The following LRIT2 variants were observed in gnomAD, a reference collection of about 807,000 sequenced individuals.
LRIT2 encodes the protein leucine-rich repeat, immunoglobulin-like domain and transmembrane domain-containing protein 2.
LRIT2 carries 23 observed loss-of-function variants against 22.4 expected under a neutral mutation model. That is an observed-to-expected ratio of 1.03 (90% CI 0.74 to 1.45). The LOEUF is 1.45. LRIT2 is among the 40% of genes most tolerant of loss of function. LRIT2 has a pLI of 0.00. For missense variants in LRIT2, 784 were observed against 665.6 expected, an observed-to-expected ratio of 1.18 and a Z score of -1.96; for synonymous variants, 291 against 267.1, an observed-to-expected ratio of 1.09 and a Z score of -0.87.
Position 84,224,844 on chromosome 10 carries a change from A to AG in LRIT2, c.380dup (p.Leu128SerfsTer13), listed in dbSNP as rs779843468. ...GTTTGAGATCCAAGACCCTCAGGAG[A>AG]GGGGTGGCACGGAACGCTGTCCATG... On this transcript the variant is annotated frameshift_variant, in exon 2 of 3. Coordinates refer to ENST00000372113, the MANE Select transcript of LRIT2 (RefSeq NM_001017924.5). LOFTEE classifies it high-confidence loss of function. 2.8e-4 allele frequency: 453 copies of AG among 1,613,860 alleles called. No homozygotes were observed. The highest frequency in any genetic ancestry group is 6.6e-4 in the Middle Eastern group (4 of 6,084).
Position 84,224,823 on chromosome 10 carries a change from G to T in LRIT2, c.402C>A (p.Leu134=). 2 of 1,614,118 alleles carry T rather than the reference G, an allele frequency of 1.2e-6. No homozygotes were observed. Among genetic ancestry groups the T allele is most frequent in the Non-Finnish European group, 1.7e-6 (2 of 1,180,024 alleles). Residue 134 remains leucine, a synonymous_variant, in exon 2 of 3, where the codon CTC becomes CTA. Transcript: ENST00000372113. The part of the protein sequence containing the change: ...RATPLLRVLD[L]KRNKIDALPE... ...GGAGTGCATCAATCTTGTTGCGTTTGAGATCCAAGACCCTCAGGAGAGGGG... is the reference window on the plus strand; with the variant it reads ...GGAGTGCATCAATCTTGTTGCGTTTTAGATCCAAGACCCTCAGGAGAGGGG...
chr10:84,222,281 G>T lies in LRIT2; in HGVS notation c.1292C>A (p.Ala431Asp), dbSNP rs145232104. The change falls in exon 3 of 3, where the codon GCC becomes GAC. Residue 431 changes from alanine (A) to aspartate (D), a missense_variant. Ala to Asp is a moderately radical substitution (Grantham distance 126). Transcript: ENST00000372113. Reference sequence around the variant, plus strand: ...AGGCTGGCCCTCTAGGCTGAGGCAGGCCTCATATTTTGTGCCAGGAAGGAG... The same window carrying T: ...AGGCTGGCCCTCTAGGCTGAGGCAGTCCTCATATTTTGTGCCAGGAAGGAG... ...DDLLPGTKYE[A>D]CLSLEGQPPH... 3 of 1,614,236 alleles carry T rather than the reference G, an allele frequency of 1.9e-6. No homozygotes were observed. Among genetic ancestry groups the T allele is most frequent in the South Asian group, 2.2e-5 (2 of 91,086 alleles).
chr10:84,221,844 A>G lies in LRIT2; in HGVS notation c.*76T>C. ...TGCTCAATATATACTTGCTGGATAA[A>G]TGGATGGAGCTGCTGCAGAGGGTTG... On this transcript the variant is annotated 3_prime_UTR_variant, in exon 3 of 3. Coordinates refer to ENST00000372113, the MANE Select transcript of LRIT2 (RefSeq NM_001017924.5). 1 of 1,412,026 alleles carries G rather than the reference A, an allele frequency of 7.1e-7. No homozygotes were observed. Among genetic ancestry groups the G allele is most frequent in the Non-Finnish European group, 9.5e-7 (1 of 1,048,756 alleles). The allele number at this position is 1,412,026 out of a possible 1,614,324, so 87.5% of individuals were successfully genotyped here. A position where few individuals can be genotyped will look rare whatever the true frequency, so the allele number is the denominator to read the frequency against.
chr10:84,223,901 T>C (rs1189735289), intron 2 of LRIT2, among the ~76,000 whole-genome samples: 1 of 152,240 alleles, frequency 6.6e-6, no homozygotes, highest in Non-Finnish European at 1.5e-5. Flanking sequence ...GCACCCCAGG[T>C]GATTCTGCTC....
Position 84,224,920 on chromosome 10 carries a change from A to T in LRIT2, c.305T>A (p.Leu102Gln), listed in dbSNP as rs1360599547. The T allele has an allele frequency of 1.2e-6, 2 of 1,614,080 alleles. No homozygotes were observed. The highest frequency in any genetic ancestry group is 1.7e-5 in the Admixed American group (1 of 60,000). The change falls in exon 2 of 3, where the codon CTG (leucine) becomes CAG (glutamine). Residue 102 changes from leucine (L) to glutamine (Q), a missense_variant. Coordinates refer to ENST00000372113, the MANE Select transcript of LRIT2 (RefSeq NM_001017924.5). ...SVIHLGALEH[L>Q]PELRELRLEG... ...CAGTCTCAGCTCCCTCAGTTCTGGC[A>T]GGTGTTCCAGGGCTCCTAGGTGGAT...
rs369756060 is a variant in LRIT2, at chr10:84,225,541, G to T, written c.-21C>A. The stretch of plus-strand genomic sequence containing the variant: ...GCCATATTTCTCTGTAAGAAAATAC[G>T]TTGTGAGTTTTGAATAAGTATCGCC... On this transcript the variant is annotated 5_prime_UTR_variant, in exon 1 of 3. Coordinates refer to ENST00000372113, the MANE Select transcript of LRIT2 (RefSeq NM_001017924.5). 8 of 1,610,506 alleles carry T rather than the reference G, an allele frequency of 5.0e-6. No homozygotes were observed. The African/African-American group carries it at 6.7e-5, about 13-fold the overall frequency.
chr10:84,224,298 C>T (rs1286937042), intron 2 of LRIT2, 35 bp downstream of exon 2: 1 of 1,577,830 alleles, frequency 6.3e-7, no homozygotes, highest in African/African-American at 1.3e-5. Context: ...CTCTCCATTC[C>T]CTCCAGATAC....
rs1589315409 is a variant in LRIT2, at chr10:84,221,867, T to G, written c.*53A>C. 6.7e-7 allele frequency: 1 copy of G among 1,488,114 alleles called. No individual in the cohort carries two copies. Among genetic ancestry groups the G allele is most frequent in the Non-Finnish European group, 9.0e-7 (1 of 1,112,578 alleles). The allele number at this position is 1,488,114 out of a possible 1,614,324, so 92.2% of individuals were successfully genotyped here. A position where few individuals can be genotyped will look rare whatever the true frequency, so the allele number is the denominator to read the frequency against. Reference sequence around the variant, plus strand: ...AAATGGATGGAGCTGCTGCAGAGGGTTGGTTTCAGAGGCTTGAAGCCCAAG... The same window carrying G: ...AAATGGATGGAGCTGCTGCAGAGGGGTGGTTTCAGAGGCTTGAAGCCCAAG... On this transcript the variant is annotated 3_prime_UTR_variant, in exon 3 of 3. Coordinates refer to ENST00000372113, the MANE Select transcript of LRIT2 (RefSeq NM_001017924.5).
In LRIT2 at chr10:84,225,068, G is replaced by A. The variant is rs750711099; in HGVS notation, c.157C>T (p.Leu53Phe). Residue 53 changes from leucine to phenylalanine, a missense_variant, in exon 2 of 3, where the codon CTT (leucine) becomes TTT (phenylalanine). Leu to Phe is a conservative substitution (Grantham distance 22). Coordinates refer to ENST00000372113, the MANE Select transcript of LRIT2 (RefSeq NM_001017924.5). Reference sequence around the variant, plus strand: ...CTCACTTGCTTGAACTCTTCAGAAAGGTTCCCAGGGATCTTTCCCAAGGAG... The same window carrying A: ...CTCACTTGCTTGAACTCTTCAGAAAAGTTCCCAGGGATCTTTCCCAAGGAG... The part of the protein sequence containing the change: ...SVSLGKIPGN[L>F]SEEFKQVRIE... 8.1e-6 allele frequency: 13 copies of A among 1,613,888 alleles called. No individual in the cohort carries two copies. In the Admixed American group the frequency reaches 1.2e-4, roughly 14 times the overall value.
In LRIT2 at chr10:84,222,574, A is replaced by G. The variant is rs762733087; in HGVS notation, c.999T>C (p.Ile333=). ...GNYTCMASNS[I]GKSNLVISLH... ...GAGAGATTACAAGGTTGCTCTTGCC[A>G]ATGGAGTTGGAGGCCATGCAGGTGT... Residue 333 remains isoleucine (I), a synonymous_variant, in exon 3 of 3, where the codon ATT becomes ATC. Coordinates refer to ENST00000372113, the MANE Select transcript of LRIT2 (RefSeq NM_001017924.5). 5.0e-6 allele frequency: 8 copies of G among 1,614,040 alleles called. No homozygotes were observed. Among genetic ancestry groups the G allele is most frequent in the Non-Finnish European group, 6.8e-6 (8 of 1,180,000 alleles).
chr10:84,224,399 C>T lies in LRIT2; in HGVS notation c.826G>A (p.Ala276Thr). ...AGQNVTLRCLAQASPSPSIAW... is the reference protein window; with the variant it reads ...AGQNVTLRCLTQASPSPSIAW... ...ATGGATGGTGAGGGGCTGGCCTGTG[C>T]CAAGCATCGCAGGGTCACATTCTGT... Residue 276 changes from alanine (A) to threonine (T), a missense_variant, in exon 2 of 3, where the codon GCA becomes ACA. Physicochemically the swap from Ala to Thr is moderately conservative, Grantham distance 58. Transcript: ENST00000372113. 2.5e-6 allele frequency: 4 copies of T among 1,614,204 alleles called. No homozygotes were observed. Among genetic ancestry groups the T allele is most frequent in the Non-Finnish European group, 3.4e-6 (4 of 1,180,042 alleles).
intron 2 of LRIT2, among the ~76,000 whole-genome samples, chr10:84,223,451 A>G (rs940674672): frequency 1.6e-5 from 2 of 123,112 alleles, no homozygotes; most frequent in Non-Finnish European, 3.8e-5. Context: ...CAAACCAATA[A>G]GGTATTATCA....
intron 2 of LRIT2, among the ~76,000 whole-genome samples, chr10:84,223,054 G>A (rs1419811695): frequency 6.6e-6 from 1 of 152,162 alleles, no homozygotes; most frequent in Admixed American, 6.5e-5. Context: ...ATGGCTTTCA[G>A]GAGAGTTCTT....
intron 2 of LRIT2, 99 bp from the exon 3 acceptor site, chr10:84,222,779 GTTA>G: frequency 2.1e-6 from 3 of 1,411,532 alleles, no homozygotes; most frequent in Non-Finnish European, 3.0e-6. Flanking sequence ...TTTGTTTTTT[GTTA>G]TTGTTGTTGT....
At position 84,222,308 on chromosome 10, in the gene LRIT2, T is replaced by C. The variant is rs753121562; in HGVS notation, c.1265A>G (p.Asp422Gly). The change falls in exon 3 of 3, where the codon GAC becomes GGC. Residue 422 changes from aspartate (D) to glycine (G), a missense_variant. Coordinates refer to ENST00000372113, the MANE Select transcript of LRIT2 (RefSeq NM_001017924.5). ...CTCATATTTTGTGCCAGGAAGGAGGTCATCCACAGCATAAGTATTGATTCC... is the reference window on the plus strand; with the variant it reads ...CTCATATTTTGTGCCAGGAAGGAGGCCATCCACAGCATAAGTATTGATTCC... ...GPGINTYAVD[D>G]LLPGTKYEAC... 1.2e-6 allele frequency: 2 copies of C among 1,614,000 alleles called. No individual in the cohort carries two copies. The highest frequency in any genetic ancestry group is 1.7e-6 in the Non-Finnish European group (2 of 1,180,006).
chr10:84,224,748 G>T lies in LRIT2; in HGVS notation c.477C>A (p.Ser159=). 1 of 1,614,176 alleles carries T rather than the reference G, an allele frequency of 6.2e-7. No homozygotes were observed. The highest frequency in any genetic ancestry group is 8.5e-7 in the Non-Finnish European group (1 of 1,180,020). Residue 159 remains serine (S), a synonymous_variant, in exon 2 of 3, where the codon TCC becomes TCA. Transcript: ENST00000372113. ...FLVSLTYLDL[S]SNRLTVVSKS... ...TGGATACAACTGTAAGCCTATTGGA[G>T]GATAGGTCAAGGTAGGTCAGGCTGA...
chr10:84,224,569 G>T lies in LRIT2; in HGVS notation c.656C>A (p.Thr219Asn). 1.9e-6 allele frequency: 3 copies of T among 1,613,852 alleles called. No individual in the cohort carries two copies. Among genetic ancestry groups the T allele is most frequent in the South Asian group, 2.2e-5 (2 of 91,070 alleles). Residue 219 changes from threonine to asparagine, a missense_variant, in exon 2 of 3, where the codon ACC (threonine) becomes AAC (asparagine). Physicochemically the swap from Thr to Asn is moderately conservative, Grantham distance 65. Coordinates refer to ENST00000372113, the MANE Select transcript of LRIT2 (RefSeq NM_001017924.5). The part of the protein sequence containing the change: ...RGLVQFVKSI[T>N]LPVILVNSYL... ...GGAATTCACCAGGATGACTGGGAGGGTAATGGACTTGACAAACTGGACAAG... is the reference window on the plus strand; with the variant it reads ...GGAATTCACCAGGATGACTGGGAGGTTAATGGACTTGACAAACTGGACAAG...
At position 84,224,859 on chromosome 10, in the gene LRIT2, C is replaced by A. The variant is rs1189646030; in HGVS notation, c.366G>T (p.Ala122=). ...CCCTCAGGAGAGGGGTGGCACGGAA[C>A]GCTGTCCATGGTACTGAGCAGAGCT... ...GNKLCSVPWT[A]FRATPLLRVL... is the part of the protein sequence containing the mutation. The change falls in exon 2 of 3, where the codon GCG becomes GCT. Residue 122 remains alanine, a synonymous_variant. Transcript: ENST00000372113. The A allele has an allele frequency of 6.2e-7, 1 of 1,614,134 alleles. No homozygotes were observed. Among genetic ancestry groups the A allele is most frequent in the Non-Finnish European group, 8.5e-7 (1 of 1,180,036 alleles).
Position 84,221,809 on chromosome 10 carries a change from A to G in LRIT2, c.*111T>C. Reference sequence around the variant, plus strand: ...CCCTGTGTCAAGTTCAGTGCTTGGAACACAGTGGGTGCTCAATATATACTT... The same window carrying G: ...CCCTGTGTCAAGTTCAGTGCTTGGAGCACAGTGGGTGCTCAATATATACTT... On this transcript the variant is annotated 3_prime_UTR_variant, in exon 3 of 3. Transcript: ENST00000372113. 1 of 1,069,144 alleles carries G rather than the reference A, an allele frequency of 9.4e-7. No individual in the cohort carries two copies. Among genetic ancestry groups the G allele is most frequent in the Non-Finnish European group, 1.3e-6 (1 of 764,762 alleles). 66.2% of individuals were successfully genotyped at this position (1,069,144 alleles called of 1,614,324 possible). A position where few individuals can be genotyped will look rare whatever the true frequency, so the allele number is the denominator to read the frequency against.
Sources: allele counts gnomAD v4.1 joint callset (sites outside exome capture counted in the v4.1 genomes callset), GRCh38; gene constraint gnomAD v4.1.1; transcripts MANE v1.5; gene names NCBI Gene and HGNC (gene_info 2026-07-23, HGNC 2026-07-21).